The following LRRC49 variants were observed in gnomAD, a reference collection of about 807,000 sequenced individuals.
The protein encoded by LRRC49 is leucine-rich repeat-containing protein 49.
In LRRC49, 50 loss-of-function variants were observed where a neutral mutation model predicts 83.3. The ratio of observed to expected loss-of-function variants is 0.60; its 90% CI spans 0.48 to 0.76. The LOEUF (loss-of-function observed/expected upper bound fraction) is 0.76. LRRC49 is among the 30% of genes least tolerant of loss of function. LRRC49 has a pLI of 0.00. For synonymous variants in LRRC49, 286 were observed against 283.3 expected (o/e 1.01, Z -0.10); for missense variants, 704 against 809.1 (o/e 0.87, Z 1.58).
intron 1 of LRRC49, among the ~76,000 whole-genome samples, chr15:70,861,391 G>A (rs373180209): frequency 3.5e-5 from 3 of 86,152 alleles, no homozygotes; most frequent in East Asian, 5.8e-4. Context: ...ATAGGAGCTC[G>A]TGTTCTAGTG....
intron 6 of LRRC49, among the ~76,000 whole-genome samples, chr15:70,917,375 C>G (rs905883709): frequency 6.6e-6 from 1 of 152,176 alleles, no homozygotes; most frequent in Admixed American, 6.5e-5. Context: ...CCAATCAGCA[C>G]TCACTTCCTC....
At chr15:71,003,254 A>G (rs2038331540) in intron 11 of LRRC49, among the ~76,000 whole-genome samples, 1 of 152,166 alleles carries the variant, frequency 6.6e-6, no homozygotes, top group Non-Finnish European at 1.5e-5. Context: ...ATTCTTATGT[A>G]AAGATCAAGT....
At chr15:70,980,519 C>T (rs905213131) in intron 10 of LRRC49, among the ~76,000 whole-genome samples, 1 of 150,860 alleles carries the variant, frequency 6.6e-6, no homozygotes. Context: ...CCTTTTGGAA[C>T]GTACTGTAAT....
chr15:71,047,862 C>T lies in LRRC49; in HGVS notation c.1858-1547C>T, dbSNP rs548349600. On this transcript the variant is annotated intron_variant, in intron 15 of 15. Coordinates refer to ENST00000260382, the MANE Select transcript of LRRC49 (RefSeq NM_017691.5). ...CACGACCTCAGCTCACTGCAACCTC[C>T]ACCTCCTGGGTTCAAGCAATTCTCC... 2.6e-5 allele frequency among the ~76,000 whole-genome samples: 4 copies of T among 151,838 alleles called. No individual in the cohort carries two copies. The South Asian group carries it at 8.3e-4, about 32-fold the overall frequency.
chr15:70,982,777 C>G (rs543078469), intron 10 of LRRC49, among the ~76,000 whole-genome samples: 1 of 152,160 alleles, frequency 6.6e-6, no homozygotes, highest in African/African-American at 2.4e-5. Context: ...CCACTGCACT[C>G]CCCCAGAAAA....
At chr15:70,942,512 A>G (rs1483420920) in intron 8 of LRRC49, among the ~76,000 whole-genome samples, 1 of 152,234 alleles carries the variant, frequency 6.6e-6, no homozygotes, top group African/African-American at 2.4e-5. Flanking sequence ...CTTAAGATAT[A>G]TAACTAGTTT....
intron 15 of LRRC49, among the ~76,000 whole-genome samples, chr15:71,037,680 C>T (rs181572330): frequency 6.6e-6 from 1 of 152,256 alleles, no homozygotes; most frequent in East Asian, 1.9e-4. Context: ...GGTACTTAGC[C>T]ACATCATGCC....
intron 9 of LRRC49, among the ~76,000 whole-genome samples, chr15:70,964,159 G>A (rs771582910): frequency 3.9e-5 from 6 of 151,972 alleles, no homozygotes; most frequent in African/African-American, 4.8e-5. Context: ...ATTAATCATC[G>A]TGTTTATTTT....
chr15:70,974,302 A>G (rs2037126847), intron 9 of LRRC49, among the ~76,000 whole-genome samples: 1 of 152,294 alleles, frequency 6.6e-6, no homozygotes, highest in East Asian at 1.9e-4. Context: ...GTGTTTTGGT[A>G]TTTAAGCAAA....
chr15:71,038,532 G>T (rs966841224), intron 15 of LRRC49, among the ~76,000 whole-genome samples: 10 of 151,866 alleles, frequency 6.6e-5, no homozygotes, highest in African/African-American at 2.4e-4. Flanking sequence ...GAACCCATAG[G>T]GCTGTAGGCA....
rs536397037 is a variant in LRRC49, at chr15:71,037,720, G to A, written c.1857+388G>A. Among the ~76,000 whole-genome samples the A allele has an allele frequency of 2.2e-4, 33 of 152,188 alleles. No individual in the cohort carries two copies. The South Asian group carries it at 5.2e-3, about 24-fold the overall frequency. On this transcript the variant is annotated intron_variant, in intron 15 of 15. Transcript: ENST00000260382. ...CATCAGAGAACACAGCAGGACCTCC[G>A]TTTTTGTTCTCCTTACTGGGACCAT...
intron 11 of LRRC49, among the ~76,000 whole-genome samples, chr15:71,004,647 T>TAA (rs35055682): frequency 5.2e-4 from 63 of 121,900 alleles, no homozygotes; most frequent in African/African-American, 1.8e-3. Context: ...GAAACTGTGT[T>TAA]AAAAAAAAAA....
At chr15:71,038,058 G>A (rs1013408426) in intron 15 of LRRC49, among the ~76,000 whole-genome samples, 3 of 151,998 alleles carry the variant, frequency 2.0e-5, no homozygotes, top group African/African-American at 7.3e-5. Context: ...GGAACAAAGG[G>A]GCAAAAGAAC....
intron 1 of LRRC49, among the ~76,000 whole-genome samples, chr15:70,856,564 A>G (rs2032658809): frequency 6.6e-6 from 1 of 152,214 alleles, no homozygotes. Flanking sequence ...GTGAAATCAA[A>G]TGCAAAACTT....
chr15:71,023,653 T>TGCTACCCTGCCTGGGAAACCA (rs373123638), intron 14 of LRRC49, among the ~76,000 whole-genome samples: 9 of 152,226 alleles, frequency 5.9e-5, no homozygotes, highest in African/African-American at 1.2e-4. Context: ...TGAGTGATTG[T>TGCTACCCTGCCTGGGAAACCA]GCTACCCTGC....
At chr15:70,994,566 C>T (rs1418742107) in intron 11 of LRRC49, among the ~76,000 whole-genome samples, 1 of 152,082 alleles carries the variant, frequency 6.6e-6, no homozygotes, top group East Asian at 1.9e-4. Context: ...CCTCCGCCTC[C>T]CAGGCTTGAG....
At chr15:70,885,915 A>C (rs1297204070) in intron 2 of LRRC49, among the ~76,000 whole-genome samples, 2 of 152,200 alleles carry the variant, frequency 1.3e-5, no homozygotes, top group Non-Finnish European at 2.9e-5. Flanking sequence ...GAACATTTAA[A>C]AAACTATTTT....
rs1285177763 is a variant in LRRC49 at position 71,008,602 on chromosome 15, TTTCCTAA to T, written c.1397_1403del (p.Pro466LeufsTer12). The T allele has an allele frequency of 3.1e-6, 5 of 1,609,276 alleles. No individual in the cohort carries two copies. Among genetic ancestry groups the T allele is most frequent in the Non-Finnish European group, 4.3e-6 (5 of 1,176,352 alleles). On this transcript the variant is annotated frameshift_variant, in exon 12 of 16. Transcript: ENST00000260382. LOFTEE classifies it high-confidence loss of function. ...AGTGCTTCCTAAACTGAAGATTAAG[TTTCCTAA>T]TTCTCTGGTAAATATTTCCTTTTAG... is the stretch of plus-strand genomic sequence containing the variant.
At chr15:71,012,949 C>A in intron 14 of LRRC49, 36 bp downstream of exon 14, 1 of 1,286,426 alleles carries the variant, frequency 7.8e-7, no homozygotes, top group Non-Finnish European at 1.1e-6. Context: ...TATAGAATTA[C>A]TGTTACACTA....
Sources: gnomAD v4.1 joint callset for allele counts (sites outside exome capture counted in the v4.1 genomes callset) on GRCh38, gnomAD v4.1.1 for gene constraint, MANE v1.5 for transcripts, NCBI Gene and HGNC (gene_info 2026-07-23, HGNC 2026-07-21) for gene names.